METTL24: variants seen among roughly 807,000 people sequenced by gnomAD.
METTL24 encodes probable methyltransferase-like protein 24.
Under a neutral mutation model 32.7 loss-of-function variants are expected in METTL24, and 29 were observed. The observed-to-expected ratio is 0.89, with a 90% CI of 0.66 to 1.21. The LOEUF is 1.21. METTL24 is among the 50% of genes most tolerant of loss of function. METTL24 has a pLI of 0.00. For missense variants in METTL24, 439 were observed against 468.1 expected (o/e 0.94, Z 0.57); for synonymous variants, 163 against 179.5 (o/e 0.91, Z 0.73).
chr6:110,259,041 G>A (rs77572367), intron 4 of METTL24, among the ~76,000 whole-genome samples: 10,926 of 152,162 alleles, frequency 0.072, 583 homozygotes, highest in African/African-American at 0.16. Context: ...CAGAGTGAGC[G>A]ATGCAGATGA....
chr6:110,349,348 C>T (rs967915900), intron 1 of METTL24, among the ~76,000 whole-genome samples: 2 of 152,236 alleles, frequency 1.3e-5, no homozygotes, highest in African/African-American at 4.8e-5. Context: ...ATTCATCCCT[C>T]TGCCAAGGTG....
intron 1 of METTL24, among the ~76,000 whole-genome samples, chr6:110,335,995 G>A (rs996827513): frequency 6.6e-6 from 1 of 152,170 alleles, no homozygotes; most frequent in African/African-American, 2.4e-5. Flanking sequence ...CTTCAGAAAG[G>A]ATTCCCAGGT....
At chr6:110,251,247 A>G (rs1778272667) in intron 4 of METTL24, among the ~76,000 whole-genome samples, 1 of 152,248 alleles carries the variant, frequency 6.6e-6, no homozygotes, top group South Asian at 2.1e-4. Context: ...AAGCAATATT[A>G]CTTTATCTAA....
chr6:110,261,053 A>C (rs1770711435), intron 4 of METTL24, among the ~76,000 whole-genome samples: 1 of 152,236 alleles, frequency 6.6e-6, no homozygotes. Flanking sequence ...AAGAAACTGC[A>C]TCAACTAATG....
intron 4 of METTL24, among the ~76,000 whole-genome samples, chr6:110,280,710 T>A (rs931528017): frequency 6.6e-6 from 1 of 151,880 alleles, no homozygotes; most frequent in African/African-American, 2.4e-5. Flanking sequence ...CTAGAATGCA[T>A]GCAGTGATGC....
chr6:110,345,094 C>T (rs945975384), intron 1 of METTL24, among the ~76,000 whole-genome samples: 4 of 151,890 alleles, frequency 2.6e-5, no homozygotes, highest in African/African-American at 9.7e-5. Context: ...AAAAAACAGC[C>T]CCATTAAAAA....
At chr6:110,349,454 T>C (rs1052527185) in intron 1 of METTL24, among the ~76,000 whole-genome samples, 1 of 152,142 alleles carries the variant, frequency 6.6e-6, no homozygotes, top group South Asian at 2.1e-4. Context: ...GCAACAGATA[T>C]CTGGCACAAG....
intron 4 of METTL24, among the ~76,000 whole-genome samples, chr6:110,262,392 A>G (rs1770753020): frequency 6.6e-6 from 1 of 152,216 alleles, no homozygotes; most frequent in Admixed American, 6.5e-5. Context: ...TCCTCGACAC[A>G]TACACCATCC....
chr6:110,279,274 T>C (rs1771098450), intron 4 of METTL24, among the ~76,000 whole-genome samples: 1 of 152,176 alleles, frequency 6.6e-6, no homozygotes, highest in Admixed American at 6.5e-5. Flanking sequence ...AGATACATGG[T>C]GTATTATACA....
chr6:110,244,108 C>T lies in METTL24; in HGVS notation c.*1838G>A, dbSNP rs114953993. On this transcript the variant is annotated 3_prime_UTR_variant, in exon 5 of 5. Coordinates refer to ENST00000338882, the MANE Select transcript of METTL24 (RefSeq NM_001123364.3). Reference sequence around the variant, plus strand: ...ATTGAAAAACTGTCTAACTATCCTACGAAAGTGAGACGATGGTCTTCAGGC... The same window carrying T: ...ATTGAAAAACTGTCTAACTATCCTATGAAAGTGAGACGATGGTCTTCAGGC... Among the ~76,000 whole-genome samples the T allele has an allele frequency of 5.0e-3, 763 of 152,176 alleles. 2 individuals carry two copies. The highest frequency in any genetic ancestry group is 0.017 in the African/African-American group (699 of 41,482).
chr6:110,356,456 A>AAAAAG (rs199749706), intron 1 of METTL24, among the ~76,000 whole-genome samples: 41 of 150,576 alleles, frequency 2.7e-4, no homozygotes, highest in African/African-American at 6.5e-4. Flanking sequence ...TAAAAAAAAG[A>AAAAAG]AAAAGAAAAG....
intron 4 of METTL24, among the ~76,000 whole-genome samples, chr6:110,262,077 A>G (rs549919785): frequency 6.4e-4 from 98 of 152,334 alleles, no homozygotes; most frequent in African/African-American, 2.3e-3. Context: ...AAGAGCAACC[A>G]CATTCAAAAG....
At position 110,244,218 on chromosome 6, in the gene METTL24, T is replaced by G. The variant is rs938972434; in HGVS notation, c.*1728A>C. Among the ~76,000 whole-genome samples the G allele has an allele frequency of 8.5e-5, 13 of 152,166 alleles. No individual in the cohort carries two copies. The highest frequency in any genetic ancestry group is 2.7e-4 in the African/African-American group (11 of 41,446). The stretch of plus-strand genomic sequence containing the variant: ...GATAATGTATTTTTTTAAAAAAGAT[T>G]TGACAGCATAGGCAAGTCTGTGGGT... On this transcript the variant is annotated 3_prime_UTR_variant, in exon 5 of 5. Transcript: ENST00000338882.
chr6:110,357,905 G>A (rs762509614), intron 1 of METTL24, 50 bp downstream of exon 1: 12 of 1,094,330 alleles, frequency 1.1e-5, no homozygotes, highest in Middle Eastern at 3.4e-4. Context: ...TAGCGCGGTC[G>A]GGAGGGGGCT....
chr6:110,357,879 T>C (rs1772729436), intron 1 of METTL24, 76 bp downstream of exon 1: 1 of 872,522 alleles, frequency 1.1e-6, no homozygotes, highest in Non-Finnish European at 1.5e-6. Flanking sequence ...CTGCGGGACC[T>C]GAGCGCCGGG....
chr6:110,318,365 G>A lies in METTL24; in HGVS notation c.418-2884C>T, dbSNP rs930003789. 2.0e-5 allele frequency among the ~76,000 whole-genome samples: 3 copies of A among 152,056 alleles called. No homozygotes were observed. In the East Asian group the frequency reaches 5.8e-4, roughly 29 times the overall value. On this transcript the variant is annotated intron_variant, in intron 2 of 4. Coordinates refer to ENST00000338882, the MANE Select transcript of METTL24 (RefSeq NM_001123364.3). ...TTCTTAGCTCAGAAATAAAACACAA[G>A]GGCCGGGCGTGGTGGCTCACGCCTG...
chr6:110,265,183 AAGAAAGAAAGAAAG>A (rs1025894003), intron 4 of METTL24, among the ~76,000 whole-genome samples: 1 of 137,716 alleles, frequency 7.3e-6, no homozygotes, highest in African/African-American at 2.8e-5. Context: ...GAAAGAAAGA[AAGAAAGAAAGAAAG>A]AAAGTTAATA....
chr6:110,303,185 C>A (rs1020580273), intron 3 of METTL24, among the ~76,000 whole-genome samples: 1 of 152,150 alleles, frequency 6.6e-6, no homozygotes, highest in Non-Finnish European at 1.5e-5. Context: ...GAGATTCCCT[C>A]GGGTGCCTAC....
chr6:110,251,600 G>T lies in METTL24; in HGVS notation c.787-5340C>A, dbSNP rs112374951. ...TACATTAGACTAAGTAATTTATAAA[G>T]AACAAAAATGTATATCATACAGTTC... On this transcript the variant is annotated intron_variant, in intron 4 of 4. Coordinates refer to ENST00000338882, the MANE Select transcript of METTL24 (RefSeq NM_001123364.3). Among the ~76,000 whole-genome samples the T allele has an allele frequency of 4.3e-3, 658 of 152,264 alleles. 9 individuals are homozygous for T. The highest frequency in any genetic ancestry group is 0.015 in the African/African-American group (642 of 41,554).
Sources: gnomAD v4.1 joint callset for allele counts (sites outside exome capture counted in the v4.1 genomes callset) on GRCh38, gnomAD v4.1.1 for gene constraint, MANE v1.5 for transcripts, NCBI Gene and HGNC (gene_info 2026-07-23, HGNC 2026-07-21) for gene names.